The following TSPEAR variants were observed in gnomAD, a reference collection of about 807,000 sequenced individuals.
TSPEAR encodes the protein thrombospondin-type laminin G domain and EAR repeat-containing protein.
Under a neutral mutation model 71.6 loss-of-function variants are expected in TSPEAR, and 69 were observed. That is an observed-to-expected ratio of 0.96 (90% CI 0.79 to 1.18). The LOEUF is 1.18. Among genes scored for constraint, TSPEAR ranks in the 50% most tolerant of loss-of-function variants. The pLI is 0.00. For missense variants in TSPEAR, 971 were observed against 894.9 expected (o/e 1.09, Z -1.09); for synonymous variants, 402 against 387.2 (o/e 1.04, Z -0.45).
intron 1 of TSPEAR, among the ~76,000 whole-genome samples, chr21:44,619,104 CAAGCAGGAAGTGAAGGGGA>C (rs1982287817): frequency 6.6e-6 from 1 of 151,998 alleles, no homozygotes; most frequent in South Asian, 2.1e-4. Context: ...AGTGAAGGTG[CAAGCAGGAAGTGAAGGGGA>C]AGGCAGAGTC....
intron 1 of TSPEAR, among the ~76,000 whole-genome samples, chr21:44,610,835 T>C (rs782172126): frequency 1.3e-5 from 2 of 152,222 alleles, no homozygotes; most frequent in Non-Finnish European, 2.9e-5. Context: ...ACCTCTTGCA[T>C]CATTATGACC....
At chr21:44,532,787 C>T (rs1222408579) in intron 3 of TSPEAR, among the ~76,000 whole-genome samples, 1 of 152,246 alleles carries the variant, frequency 6.6e-6, no homozygotes, top group Non-Finnish European at 1.5e-5. Context: ...CGTCAGGCCA[C>T]AAACCAGGCG....
intron 11 of TSPEAR, among the ~76,000 whole-genome samples, chr21:44,500,770 A>G (rs903480094): frequency 6.6e-6 from 1 of 152,142 alleles, no homozygotes; most frequent in African/African-American, 2.4e-5. Flanking sequence ...CTAAAAATTC[A>G]TATTTATATC....
At chr21:44,617,456 C>G (rs782755971) in intron 1 of TSPEAR, among the ~76,000 whole-genome samples, 1 of 152,228 alleles carries the variant, frequency 6.6e-6, no homozygotes, top group Non-Finnish European at 1.5e-5. Context: ...TCCAGGACAG[C>G]GTGGGGACAC....
intron 1 of TSPEAR, among the ~76,000 whole-genome samples, chr21:44,709,242 G>T (rs550598104): frequency 6.6e-6 from 1 of 152,334 alleles, no homozygotes; most frequent in East Asian, 1.9e-4. Context: ...CCGAGCCTAG[G>T]GCGCAGCCCA....
rs182566633 is a variant in TSPEAR, at chr21:44,605,107, T to C, written c.83-37102A>G. ...TATTAGGACTGATAAACAAATTTAA[T>C]AAAGTTGCAAGTTAAAAAATCAACA... On this transcript the variant is annotated intron_variant, in intron 1 of 11. Transcript: ENST00000323084. 2.1e-4 allele frequency among the ~76,000 whole-genome samples: 32 copies of C among 152,360 alleles called. No individual in the cohort carries two copies. In the East Asian group the frequency reaches 6.0e-3, roughly 28 times the overall value.
intron 2 of TSPEAR, among the ~76,000 whole-genome samples, chr21:44,541,215 A>G (rs1204411399): frequency 2.0e-5 from 3 of 152,224 alleles, no homozygotes; most frequent in African/African-American, 7.2e-5. Flanking sequence ...AAGGCCTAAA[A>G]TCATGCCTGG....
chr21:44,666,656 G>A (rs782290238), intron 1 of TSPEAR: 69 of 1,612,834 alleles, frequency 4.3e-5, no homozygotes, highest in South Asian at 5.5e-5. Flanking sequence ...GGCAGCTCAC[G>A]GGCACGCACA....
rs879972165 is a variant in TSPEAR at position 44,612,811 on chromosome 21, C to T, written c.83-44806G>A. 6.8e-6 allele frequency: 11 copies of T among 1,613,398 alleles called. No homozygotes were observed. The highest frequency in any genetic ancestry group is 1.1e-5 in the South Asian group (1 of 91,050). ...GTGTCCCTGCCTCCTCCTGCCAGCC[C>T]AGCTGCTGCCACCCGGCCTCCTGCC... On this transcript the variant is annotated intron_variant, in intron 1 of 11. Transcript: ENST00000323084. This position sits in a 1 kb window ranked among gnomAD's most constrained non-coding sequence, Gnocchi z 4.1.
chr21:44,697,788 C>T (rs1020228702), intron 1 of TSPEAR: 5 of 1,613,930 alleles, frequency 3.1e-6, no homozygotes, highest in East Asian at 2.2e-5. Flanking sequence ...TCCTCCGTGT[C>T]CCTCCTCTGC....
chr21:44,517,765 C>T (rs1374485233), intron 9 of TSPEAR: 7 of 471,120 alleles, frequency 1.5e-5, no homozygotes, highest in African/African-American at 4.0e-5. Context: ...ACACTGAGCC[C>T]TCCTACCTCC....
At chr21:44,585,652 G>A (rs1555925588) in intron 1 of TSPEAR, among the ~76,000 whole-genome samples, 1 of 152,120 alleles carries the variant, frequency 6.6e-6, no homozygotes, top group Non-Finnish European at 1.5e-5. Context: ...TCTGTTATGA[G>A]GACTGCCATT....
chr21:44,557,870 A>G, intron 2 of TSPEAR: 1 of 734,510 alleles, frequency 1.4e-6, no homozygotes, highest in East Asian at 2.7e-5. Context: ...GCTGGCCAGC[A>G]TGGAGATGAG....
At chr21:44,580,665 G>A in intron 1 of TSPEAR, 2 of 1,374,174 alleles carry the variant, frequency 1.5e-6, no homozygotes, top group Non-Finnish European at 2.0e-6. Flanking sequence ...GTGAGTGAGT[G>A]AGGTGCTCAG....
chr21:44,527,585 G>A (rs2052883174), intron 6 of TSPEAR, 67 bp from the exon 7 acceptor site: 1 of 1,510,752 alleles, frequency 6.6e-7, no homozygotes. Context: ...AATCCTCGCG[G>A]GAGCGCGATT....
chr21:44,657,304 G>T (rs1985208811), intron 1 of TSPEAR, among the ~76,000 whole-genome samples: 1 of 152,166 alleles, frequency 6.6e-6, no homozygotes, highest in African/African-American at 2.4e-5. Flanking sequence ...TATATTTGTT[G>T]CATTAACAAA....
chr21:44,562,385 T>A lies in TSPEAR; in HGVS notation c.303+5400A>T, dbSNP rs1157476289. On this transcript the variant is annotated intron_variant, in intron 2 of 11. Coordinates refer to ENST00000323084, the MANE Select transcript of TSPEAR (RefSeq NM_144991.3). ...TCCTCATGGATAGGAAGAATCGATA[T>A]CATGAAAATGGCCATACTGCCCCAA... Among the ~76,000 whole-genome samples, 3 of 152,120 alleles carry A rather than the reference T, an allele frequency of 2.0e-5. No homozygotes were observed. In the East Asian group the frequency reaches 5.8e-4, roughly 29 times the overall value.
chr21:44,547,922 C>T (rs114306736), intron 2 of TSPEAR, among the ~76,000 whole-genome samples: 2,173 of 152,286 alleles, frequency 0.014, 52 homozygotes, highest in African/African-American at 0.047. Context: ...CATGGGCATG[C>T]GTGGGGGCCT....
At chr21:44,609,476 C>CAG (rs1981522304) in intron 1 of TSPEAR, among the ~76,000 whole-genome samples, 1 of 152,252 alleles carries the variant, frequency 6.6e-6, no homozygotes, top group South Asian at 2.1e-4. Context: ...GATCCAACAT[C>CAG]AGAGAGAGAT....
Sources: gnomAD v4.1 joint callset for allele counts (sites outside exome capture counted in the v4.1 genomes callset) on GRCh38, gnomAD v4.1.1 for gene constraint, Gnocchi (gnomAD v3.1) non-coding constraint, MANE v1.5 for transcripts, NCBI Gene and HGNC (gene_info 2026-07-23, HGNC 2026-07-21) for gene names.